The following PLSCR4 variants were observed in gnomAD, a reference collection of about 807,000 sequenced individuals.
The protein encoded by PLSCR4 is phospholipid scramblase 4.
PLSCR4 carries 25 observed loss-of-function variants against 36.3 expected under a neutral mutation model. The ratio of observed to expected loss-of-function variants is 0.69; its 90% confidence interval spans 0.50 to 0.96. PLSCR4 has a LOEUF of 0.96. Among genes scored for constraint, PLSCR4 ranks in the 40% least tolerant of loss-of-function variants. PLSCR4 has a pLI of 0.00. For synonymous variants in PLSCR4, 122 were observed against 132.9 expected (o/e 0.92, Z 0.56); for missense variants, 408 against 414.7 (o/e 0.98, Z 0.14).
chr3:146,194,138 T>C lies in PLSCR4; in HGVS notation c.*273A>G, dbSNP rs2033574253. ...TTCATTTTCCCTTATCTCATGTTTATAGTGTTTTAAGCTTACTTTGTATAT... is the reference window on the plus strand; with the variant it reads ...TTCATTTTCCCTTATCTCATGTTTACAGTGTTTTAAGCTTACTTTGTATAT... On this transcript the variant is annotated 3_prime_UTR_variant, in exon 9 of 9. Coordinates refer to ENST00000354952, the MANE Select transcript of PLSCR4 (RefSeq NM_020353.3). The C allele has an allele frequency of 1.5e-5, 5 of 339,104 alleles. No individual in the cohort carries two copies. Among genetic ancestry groups the C allele is most frequent in the Middle Eastern group, 7.9e-4 (1 of 1,260 alleles). The allele number at this position is 339,104 out of a possible 1,614,324, so 21.0% of individuals were successfully genotyped here.
intron 6 of PLSCR4, among the ~76,000 whole-genome samples, chr3:146,199,459 C>A (rs933214732): frequency 1.3e-5 from 2 of 152,026 alleles, no homozygotes; most frequent in African/African-American, 2.4e-5. Context: ...ATTCTAAAAG[C>A]ATATGTTTAT....
At chr3:146,248,505 CA>C (rs2036432060) in intron 1 of PLSCR4, among the ~76,000 whole-genome samples, 1 of 149,578 alleles carries the variant, frequency 6.7e-6, no homozygotes. Flanking sequence ...CACACACACA[CA>C]CAGTGTTTCA....
intron 3 of PLSCR4, among the ~76,000 whole-genome samples, chr3:146,209,814 C>T (rs2175667): frequency 0.047 from 7,194 of 152,030 alleles, 197 homozygotes; most frequent in South Asian, 0.073. Context: ...CCACAAGCAG[C>T]CCACAAGTGA....
intron 1 of PLSCR4, among the ~76,000 whole-genome samples, chr3:146,225,565 G>C (rs1474728668): frequency 2.0e-5 from 3 of 152,186 alleles, no homozygotes; most frequent in African/African-American, 7.2e-5. Context: ...AGCAGGTCCC[G>C]AGCCCCGCCC....
rs757250580 is a variant in PLSCR4, at chr3:146,199,918, G to C, written c.519C>G (p.Pro173=). 1.2e-6 allele frequency: 2 copies of C among 1,613,548 alleles called. No individual in the cohort carries two copies. The highest frequency in any genetic ancestry group is 2.2e-5 in the East Asian group (1 of 44,858). ...TACAATCAGTGACCCGGAGGACGAA[G>C]GGCCTTAGTGTCCGATAGGCATTCC... ...FTRNAYRTLR[P]FVLRVTDCMG... is the part of the protein sequence containing the mutation. The change falls in exon 6 of 9, where the codon CCC becomes CCG. Residue 173 remains proline, a synonymous_variant. Transcript: ENST00000354952.
chr3:146,242,128 G>A (rs1382422694), intron 1 of PLSCR4, among the ~76,000 whole-genome samples: 2 of 152,084 alleles, frequency 1.3e-5, no homozygotes, highest in Non-Finnish European at 2.9e-5. Flanking sequence ...CAAATACCAG[G>A]CTGGATCCAA....
intron 5 of PLSCR4, 127 bp from the exon 6 acceptor site, chr3:146,200,166 A>G (rs2033969794): frequency 3.2e-6 from 2 of 620,338 alleles, no homozygotes; most frequent in Non-Finnish European, 5.7e-6. Flanking sequence ...AAATATGTAG[A>G]ATTGATTAGA....
intron 1 of PLSCR4, among the ~76,000 whole-genome samples, chr3:146,232,747 C>G (rs1009083583): frequency 6.6e-6 from 1 of 152,066 alleles, no homozygotes. Flanking sequence ...TGGGCAAAGA[C>G]CATGGCAGTT....
intron 1 of PLSCR4, 39 bp downstream of exon 1, chr3:146,250,921 C>G (rs1479043235): frequency 6.6e-6 from 1 of 152,606 alleles, no homozygotes; most frequent in Non-Finnish European, 1.5e-5. Flanking sequence ...CCCGCGCCAC[C>G]CTGTCCTGCT....
chr3:146,245,247 ACCC>A (rs2036293002), intron 1 of PLSCR4, among the ~76,000 whole-genome samples: 1 of 151,716 alleles, frequency 6.6e-6, no homozygotes, highest in Non-Finnish European at 1.5e-5. Flanking sequence ...CCCAACACAC[ACCC>A]CCTCAGTTAC....
chr3:146,212,456 GTTT>G (rs34304483), intron 3 of PLSCR4, among the ~76,000 whole-genome samples: 1 of 137,168 alleles, frequency 7.3e-6, no homozygotes, highest in Admixed American at 7.3e-5. Context: ...TGTTTTTTGG[GTTT>G]TTTTTTTTTT....
At chr3:146,196,319 GGTTA>G (rs1181577106) in intron 7 of PLSCR4, 2 of 245,112 alleles carry the variant, frequency 8.2e-6, no homozygotes, top group Non-Finnish European at 1.6e-5. Flanking sequence ...GGAAAAAAAT[GGTTA>G]ATTACATATA....
At chr3:146,246,709 C>T (rs1308873801) in intron 1 of PLSCR4, among the ~76,000 whole-genome samples, 1 of 152,050 alleles carries the variant, frequency 6.6e-6, no homozygotes, top group Non-Finnish European at 1.5e-5. Flanking sequence ...CATTTTACAG[C>T]TAGTCTTTTA....
chr3:146,241,688 C>T (rs2107851868), intron 1 of PLSCR4, among the ~76,000 whole-genome samples: 1 of 152,302 alleles, frequency 6.6e-6, no homozygotes, highest in South Asian at 2.1e-4. Flanking sequence ...ATTTGTAGGA[C>T]ACCCACCCAA....
At chr3:146,248,223 AT>A (rs2036418080) in intron 1 of PLSCR4, among the ~76,000 whole-genome samples, 1 of 152,196 alleles carries the variant, frequency 6.6e-6, no homozygotes, top group Non-Finnish European at 1.5e-5. Context: ...AAGAAAAAAA[AT>A]GAGACAATAT....
intron 1 of PLSCR4, among the ~76,000 whole-genome samples, chr3:146,236,434 T>C (rs2035920597): frequency 6.6e-6 from 1 of 152,158 alleles, no homozygotes; most frequent in African/African-American, 2.4e-5. Flanking sequence ...GACTCTGATA[T>C]TGTTTGGCTG....
intron 1 of PLSCR4, among the ~76,000 whole-genome samples, chr3:146,234,805 T>C (rs1877511): frequency 0.77 from 117,557 of 152,016 alleles, 46,609 homozygotes; most frequent in Non-Finnish European, 0.86. Flanking sequence ...CATCTGATCC[T>C]AACAAAGACT....
At chr3:146,235,837 T>C (rs1286362410) in intron 1 of PLSCR4, among the ~76,000 whole-genome samples, 1 of 152,140 alleles carries the variant, frequency 6.6e-6, no homozygotes, top group Non-Finnish European at 1.5e-5. Flanking sequence ...CAAAGGTACT[T>C]CTGTTCCTTA....
chr3:146,206,916 A>T (rs1294900175), intron 3 of PLSCR4, among the ~76,000 whole-genome samples, 155 bp from the exon 4 acceptor site: 1 of 152,150 alleles, frequency 6.6e-6, no homozygotes, highest in South Asian at 2.1e-4. Flanking sequence ...GTTGCATATG[A>T]CCCAACGATG....
Sources: allele counts gnomAD v4.1 joint callset (sites outside exome capture counted in the v4.1 genomes callset), GRCh38; gene constraint gnomAD v4.1.1; transcripts MANE v1.5; gene names NCBI Gene and HGNC (gene_info 2026-07-23, HGNC 2026-07-21).